ANO3: variants seen among roughly 807,000 people sequenced by gnomAD.
ANO3 encodes anoctamin 3.
ANO3 carries 99 observed loss-of-function variants against 144.8 expected under a neutral mutation model. The observed-to-expected ratio is 0.68, with a 90% confidence interval of 0.58 to 0.81. The LOEUF (loss-of-function observed/expected upper bound fraction) is 0.81. Ranked by LOEUF, ANO3 falls within the 30% of genes least tolerant of loss-of-function variation. ANO3 has a pLI of 0.00. For synonymous variants in ANO3, 414 were observed against 392.6 expected, an observed-to-expected ratio of 1.05 and a Z score of -0.64; for missense variants, 905 against 1,202.2, an observed-to-expected ratio of 0.75 and a Z score of 3.66.
intron 1 of ANO3, among the ~76,000 whole-genome samples, chr11:26,267,167 G>A (rs1248522073): frequency 6.6e-6 from 1 of 150,676 alleles, no homozygotes; most frequent in East Asian, 2.0e-4. Flanking sequence ...GTATGAGAAG[G>A]ACCTTCACGC....
At chr11:26,208,971 T>C (rs1851874483) in intron 1 of ANO3, among the ~76,000 whole-genome samples, 2 of 152,146 alleles carry the variant, frequency 1.3e-5, no homozygotes, top group Non-Finnish European at 2.9e-5. Flanking sequence ...AACTTCAAGG[T>C]GAACATAAGA....
chr11:26,320,520 G>A (rs964588960), intron 1 of ANO3, among the ~76,000 whole-genome samples: 14 of 152,112 alleles, frequency 9.2e-5, no homozygotes, highest in East Asian at 1.9e-4. Context: ...CTAGATCTTC[G>A]TTTACTTTTT....
intron 4 of ANO3, 43 bp downstream of exon 4, chr11:26,463,191 A>G: frequency 9.3e-7 from 1 of 1,070,376 alleles, no homozygotes; most frequent in Non-Finnish European, 1.4e-6. Flanking sequence ...TTAGAGCATC[A>G]TTTTTAAAAC....
At chr11:26,598,752 CTT>C in intron 15 of ANO3, 104 bp from the exon 16 acceptor site, 1 of 1,125,148 alleles carries the variant, frequency 8.9e-7, no homozygotes, top group African/African-American at 1.6e-5. Flanking sequence ...ATTGTGAAGA[CTT>C]AATACAAAAG....
chr11:26,204,449 G>A (rs896880027), intron 1 of ANO3, among the ~76,000 whole-genome samples: 1 of 152,034 alleles, frequency 6.6e-6, no homozygotes, highest in Non-Finnish European at 1.5e-5. Flanking sequence ...AACTTTCAAG[G>A]AAAAAGTAGG....
At chr11:26,614,673 T>C (rs1376496355) in intron 17 of ANO3, among the ~76,000 whole-genome samples, 1 of 152,124 alleles carries the variant, frequency 6.6e-6, no homozygotes, top group Admixed American at 6.5e-5. Flanking sequence ...GGATTGCTGG[T>C]GTTTGTGGTT....
At chr11:26,399,150 C>CT (rs1309723022) in intron 1 of ANO3, among the ~76,000 whole-genome samples, 3 of 151,850 alleles carry the variant, frequency 2.0e-5, no homozygotes, top group South Asian at 2.1e-4. Context: ...CCAACCTCAC[C>CT]TTTTTTTCGC....
intron 14 of ANO3, chr11:26,572,166 G>T: frequency 1.0e-6 from 1 of 985,376 alleles, no homozygotes; most frequent in East Asian, 1.1e-4. Flanking sequence ...TGAGCAGGAG[G>T]GTGCCAGGGA....
intron 1 of ANO3, among the ~76,000 whole-genome samples, chr11:26,353,736 T>C (rs1275207372): frequency 6.6e-6 from 1 of 152,056 alleles, no homozygotes; most frequent in African/African-American, 2.4e-5. Flanking sequence ...GTCAGGCTAA[T>C]TTTTACATTT....
chr11:26,264,591 C>T (rs1853265901), intron 1 of ANO3, among the ~76,000 whole-genome samples: 1 of 152,086 alleles, frequency 6.6e-6, no homozygotes, highest in Non-Finnish European at 1.5e-5. Context: ...CTAAGGCTGC[C>T]ATAATGAAGT....
At chr11:26,276,931 C>T (rs1853571859) in intron 1 of ANO3, among the ~76,000 whole-genome samples, 1 of 152,066 alleles carries the variant, frequency 6.6e-6, no homozygotes, top group South Asian at 2.1e-4. Context: ...TCTTTGTAAC[C>T]TCCTCTGAGG....
At chr11:26,543,974 A>G (rs1405025549) in intron 11 of ANO3, among the ~76,000 whole-genome samples, 1 of 151,742 alleles carries the variant, frequency 6.6e-6, no homozygotes, top group East Asian at 1.9e-4. Context: ...AAGATGTTTT[A>G]TTTCTTAGTC....
intron 1 of ANO3, among the ~76,000 whole-genome samples, chr11:26,279,271 T>TAA (rs1853625344): frequency 6.6e-6 from 1 of 152,178 alleles, no homozygotes. Context: ...TAAGTTAGAT[T>TAA]TATTATTTTA....
intron 1 of ANO3, among the ~76,000 whole-genome samples, chr11:26,233,033 G>A (rs776289088): frequency 4.6e-5 from 7 of 151,936 alleles, no homozygotes; most frequent in Non-Finnish European, 7.4e-5. Flanking sequence ...TGGCTAACAC[G>A]GTGAAACCCC....
chr11:26,443,618 A>G (rs1858604981), intron 2 of ANO3, 147 bp from the exon 3 acceptor site: 1 of 505,232 alleles, frequency 2.0e-6, no homozygotes, highest in East Asian at 3.3e-5. Flanking sequence ...CGGAAAAAAC[A>G]GTGACATTTT....
intron 1 of ANO3, among the ~76,000 whole-genome samples, chr11:26,371,172 T>C (rs1856243359): frequency 6.6e-6 from 1 of 152,184 alleles, no homozygotes; most frequent in African/African-American, 2.4e-5. Flanking sequence ...TGGTGCCCTG[T>C]ATCCTAGCTG....
chr11:26,463,109 T>C lies in ANO3; in HGVS notation c.393T>C (p.Val131=), dbSNP rs374555647. The C allele has an allele frequency of 6.3e-6, 10 of 1,593,474 alleles. No individual in the cohort carries two copies. In the African/African-American group the frequency reaches 1.4e-4, roughly 22 times the overall value. ...YDRSRLINDF[V]IKDKSEFKTK... is the part of the protein sequence containing the mutation. ...GATCTCGTCTCATTAATGACTTTGT[T>C]ATCAAAGATAAATCTGAATTCAAGA... The change falls in exon 4 of 27, where the codon GTT becomes GTC. Residue 131 remains valine (V), a synonymous_variant. Transcript: ENST00000256737.
chr11:26,547,924 T>A (rs1849830061), intron 12 of ANO3, among the ~76,000 whole-genome samples: 1 of 151,960 alleles, frequency 6.6e-6, no homozygotes, highest in South Asian at 2.1e-4. Context: ...AATTTATAAT[T>A]TACAAAGTCC....
chr11:26,565,471 C>A (rs35317037), intron 14 of ANO3: 1 of 1,613,238 alleles, frequency 6.2e-7, no homozygotes, highest in Non-Finnish European at 8.5e-7. Context: ...GGCAAAAGAT[C>A]TTCATCTGCT....
Sources: gnomAD v4.1 joint callset for allele counts (sites outside exome capture counted in the v4.1 genomes callset) on GRCh38, gnomAD v4.1.1 for gene constraint, MANE v1.5 for transcripts, NCBI Gene and HGNC (gene_info 2026-07-23, HGNC 2026-07-21) for gene names.